The following MTUS2 variants were observed in gnomAD, a reference collection of about 807,000 sequenced individuals.
The protein encoded by MTUS2 is microtubule associated scaffold protein 2, also known as microtubule-associated tumor suppressor candidate 2.
A neutral mutation model predicts 114.1 loss-of-function variants in MTUS2; 40 were observed. That is an observed-to-expected ratio of 0.35 (90% confidence interval 0.27 to 0.46). MTUS2 has a LOEUF of 0.46. MTUS2 is among the 20% of genes least tolerant of loss of function. MTUS2 has a pLI of 1.00. For missense variants in MTUS2, 1,679 were observed against 1,705.4 expected, an observed-to-expected ratio of 0.98 and a Z score of 0.27; for synonymous variants, 688 against 672.0, an observed-to-expected ratio of 1.02 and a Z score of -0.37.
At chr13:29,436,605 G>T (rs930394202) in intron 8 of MTUS2, among the ~76,000 whole-genome samples, 3 of 152,134 alleles carry the variant, frequency 2.0e-5, no homozygotes, top group African/African-American at 7.2e-5. Context: ...TCCTTGAAAA[G>T]CCATCTAATG....
chr13:29,447,664 C>A (rs973376488), intron 9 of MTUS2, among the ~76,000 whole-genome samples: 12 of 149,850 alleles, frequency 8.0e-5, no homozygotes, highest in African/African-American at 2.7e-4. Flanking sequence ...CTCAACTCAC[C>A]CTCCATGGGT....
chr13:28,959,525 G>A (rs780378466), intron 2 of MTUS2, among the ~76,000 whole-genome samples: 9 of 55,236 alleles, frequency 1.6e-4, no homozygotes, highest in Non-Finnish European at 3.2e-4. Context: ...ATGGTCTGCA[G>A]GCTGTACACA....
intron 5 of MTUS2, among the ~76,000 whole-genome samples, chr13:29,202,143 A>G (rs1441613421): frequency 6.6e-6 from 1 of 151,446 alleles, no homozygotes; most frequent in African/African-American, 2.4e-5. Context: ...AGGTACACCA[A>G]TCAAACATTG....
intron 5 of MTUS2, among the ~76,000 whole-genome samples, chr13:29,233,106 CTGT>C (rs1896398237): frequency 6.6e-6 from 1 of 152,120 alleles, no homozygotes; most frequent in South Asian, 2.1e-4. Context: ...GTTGGCCTTA[CTGT>C]TGCCTTTTTG....
At chr13:29,098,452 ACACACACACACACACATGTGCGTGCATG>A (rs1890269580) in intron 4 of MTUS2, among the ~76,000 whole-genome samples, 1 of 17,558 alleles carries the variant, frequency 5.7e-5, no homozygotes, top group Non-Finnish European at 2.3e-4. Context: ...ATCTAAACAC[ACACACACACACACACATGTGCGTGCATG>A]CACACACACA....
intron 5 of MTUS2, among the ~76,000 whole-genome samples, chr13:29,106,544 A>C (rs1030749854): frequency 8.5e-5 from 13 of 152,064 alleles, no homozygotes; most frequent in African/African-American, 3.1e-4. Flanking sequence ...TTTTTAGTAG[A>C]TGGGGTTTCA....
intron 14 of MTUS2, among the ~76,000 whole-genome samples, chr13:29,500,528 C>T (rs577122732): frequency 7.6e-4 from 116 of 152,310 alleles, no homozygotes; most frequent in African/African-American, 2.0e-3. Context: ...TACCCAGCTG[C>T]TCTTGCGCTT....
chr13:29,053,397 C>T (rs1157262808), intron 4 of MTUS2, among the ~76,000 whole-genome samples: 2 of 152,136 alleles, frequency 1.3e-5, no homozygotes, highest in Admixed American at 6.5e-5. Flanking sequence ...AGCAAGATGA[C>T]AGAGCATTGC....
At chr13:29,170,597 C>T (rs73447205) in intron 5 of MTUS2, among the ~76,000 whole-genome samples, 5 of 152,154 alleles carry the variant, frequency 3.3e-5, no homozygotes, top group African/African-American at 4.8e-5. Flanking sequence ...TAATTTAAGC[C>T]GGTTTCCAGC....
chr13:29,150,869 T>C (rs1593531470), intron 5 of MTUS2, among the ~76,000 whole-genome samples: 1 of 152,242 alleles, frequency 6.6e-6, no homozygotes, highest in East Asian at 1.9e-4. Context: ...TGCAGCTTTA[T>C]TTCTAGGTTC....
chr13:28,966,724 C>CAAAAAAAAAAA (rs10597818), intron 2 of MTUS2, among the ~76,000 whole-genome samples: 5 of 82,270 alleles, frequency 6.1e-5, no homozygotes, highest in Non-Finnish European at 6.6e-5. Flanking sequence ...GACCCTGTCT[C>CAAAAAAAAAAA]AAAAAAAAAA....
chr13:28,984,793 G>A lies in MTUS2; in HGVS notation c.-242-39664G>A, dbSNP rs1442179738. On this transcript the variant is annotated intron_variant, in intron 2 of 15. Transcript: ENST00000612955. ...ATTCCTAAGGAAGGGCTAGGGCAGC[G>A]CCCTGTATCAGATACGTTATTTCTG... is the stretch of plus-strand genomic sequence containing the variant. 2.0e-5 allele frequency among the ~76,000 whole-genome samples: 3 copies of A among 152,238 alleles called. No homozygotes were observed. In the East Asian group the frequency reaches 5.8e-4, roughly 29 times the overall value.
Position 29,034,472 on chromosome 13 carries a change from C to T in MTUS2, c.2446+347C>T, listed in dbSNP as rs146462870. 4.5e-3 allele frequency among the ~76,000 whole-genome samples: 688 copies of T among 152,190 alleles called. 7 individuals are homozygous for T. The highest frequency in any genetic ancestry group is 0.016 in the African/African-American group (656 of 41,508). ...AGGTCCTAAGGGGTTAATGTCATAACTGTTTAGGGCCTTGGTCCATTTGGT... is the reference window on the plus strand; with the variant it reads ...AGGTCCTAAGGGGTTAATGTCATAATTGTTTAGGGCCTTGGTCCATTTGGT... On this transcript the variant is annotated intron_variant, in intron 4 of 15. Coordinates refer to ENST00000612955, the MANE Select transcript of MTUS2 (RefSeq NM_001033602.4).
chr13:29,068,850 G>A (rs1565990961), intron 4 of MTUS2, among the ~76,000 whole-genome samples: 1 of 152,216 alleles, frequency 6.6e-6, no homozygotes, highest in Non-Finnish European at 1.5e-5. Flanking sequence ...GAGCTGCTGA[G>A]GAGTTTGCCT....
At chr13:29,383,806 G>A (rs1183236023) in intron 8 of MTUS2, among the ~76,000 whole-genome samples, 1 of 152,226 alleles carries the variant, frequency 6.6e-6, no homozygotes, top group Non-Finnish European at 1.5e-5. Context: ...ACCTGGAGAT[G>A]CAGCATCTTC....
chr13:28,858,694 T>C (rs1237447544), intron 2 of MTUS2, among the ~76,000 whole-genome samples: 4 of 152,144 alleles, frequency 2.6e-5, no homozygotes, highest in Admixed American at 6.6e-5. Context: ...TGTTGGAATA[T>C]GAAGGAGGAA....
At chr13:29,136,737 A>G (rs1469999747) in intron 5 of MTUS2, among the ~76,000 whole-genome samples, 1 of 152,118 alleles carries the variant, frequency 6.6e-6, no homozygotes, top group Non-Finnish European at 1.5e-5. Flanking sequence ...CTGGCTATTC[A>G]TATGTATTTT....
At chr13:29,004,854 C>G (rs979724052) in intron 2 of MTUS2, among the ~76,000 whole-genome samples, 2 of 152,082 alleles carry the variant, frequency 1.3e-5, no homozygotes, top group East Asian at 1.9e-4. Flanking sequence ...AAGAGACAAG[C>G]CTATAGCAAA....
intron 6 of MTUS2, among the ~76,000 whole-genome samples, chr13:29,321,801 G>A (rs1900265934): frequency 6.6e-6 from 1 of 152,098 alleles, no homozygotes; most frequent in African/African-American, 2.4e-5. Context: ...TTAAAAGTTT[G>A]GTACCTTATC....
Sources: gnomAD v4.1 joint callset for allele counts (sites outside exome capture counted in the v4.1 genomes callset) on GRCh38, gnomAD v4.1.1 for gene constraint, MANE v1.5 for transcripts, NCBI Gene and HGNC (gene_info 2026-07-23, HGNC 2026-07-21) for gene names.